The following INPP5D variants were observed in gnomAD, a reference collection of about 807,000 sequenced individuals.
The protein encoded by INPP5D is inositol polyphosphate-5-phosphatase D.
A neutral mutation model predicts 122.9 loss-of-function variants in INPP5D; 33 were observed. That is an observed-to-expected ratio of 0.27 (90% CI 0.20 to 0.36). INPP5D has a LOEUF of 0.36. Ranked by LOEUF, INPP5D falls within the 10% of genes least tolerant of loss-of-function variation. INPP5D has a pLI of 1.00. For synonymous variants in INPP5D, 584 were observed against 576.2 expected (o/e 1.01, Z -0.19); for missense variants, 1,053 against 1,412.7 (o/e 0.75, Z 4.08).
chr2:233,117,730 T>C (rs141012179), intron 2 of INPP5D, among the ~76,000 whole-genome samples: 41 of 152,312 alleles, frequency 2.7e-4, no homozygotes, highest in African/African-American at 9.6e-4. Flanking sequence ...CTCTGGATCG[T>C]GCACATGAAA....
intron 3 of INPP5D, among the ~76,000 whole-genome samples, chr2:233,124,515 C>G (rs2106258418): frequency 6.6e-6 from 1 of 152,366 alleles, no homozygotes; most frequent in African/African-American, 2.4e-5. Flanking sequence ...GCACTGCCCT[C>G]TGGAATCAGG....
At chr2:233,204,888 G>A in intron 26 of INPP5D, 171 bp downstream of exon 26, 1 of 1,158,412 alleles carries the variant, frequency 8.6e-7, no homozygotes, top group South Asian at 1.8e-5. Flanking sequence ...CCTGGGAACT[G>A]CTCCATGAGA....
chr2:233,118,211 C>T (rs1394209953), intron 2 of INPP5D, among the ~76,000 whole-genome samples: 4 of 152,188 alleles, frequency 2.6e-5, no homozygotes, highest in South Asian at 2.1e-4. Flanking sequence ...CACCCAGGCA[C>T]GGTTGCCCTT....
chr2:233,181,167 T>G (rs1222786752), intron 18 of INPP5D, among the ~76,000 whole-genome samples: 9 of 152,232 alleles, frequency 5.9e-5, no homozygotes, highest in Admixed American at 5.9e-4. Context: ...TCTCATAGTT[T>G]CCATGTGTTT....
intron 17 of INPP5D, among the ~76,000 whole-genome samples, chr2:233,176,766 A>T (rs1694651394): frequency 6.8e-6 from 1 of 146,992 alleles, no homozygotes; most frequent in African/African-American, 2.5e-5. Flanking sequence ...ATAGGTAGAT[A>T]AGTGGATGGG....
At chr2:233,061,410 A>T (rs1356786769) in intron 1 of INPP5D, among the ~76,000 whole-genome samples, 1 of 151,850 alleles carries the variant, frequency 6.6e-6, no homozygotes, top group Non-Finnish European at 1.5e-5. Flanking sequence ...CGGTCTAATC[A>T]TAGGGGGGCC....
intron 18 of INPP5D, among the ~76,000 whole-genome samples, chr2:233,178,608 G>A (rs1187450103): frequency 5.9e-5 from 9 of 151,874 alleles, no homozygotes; most frequent in East Asian, 5.8e-4. Flanking sequence ...TCAGACTCCC[G>A]AGTAGCTGGG....
chr2:233,145,427 A>G, intron 6 of INPP5D: 1 of 437,148 alleles, frequency 2.3e-6, no homozygotes, highest in East Asian at 7.1e-5. Context: ...TCCATTCAGC[A>G]GGGAAGACAA....
chr2:233,068,285 C>CAAA lies in INPP5D; in HGVS notation c.134+7688_134+7690dup, dbSNP rs60089777. On this transcript the variant is annotated intron_variant, in intron 1 of 26. Transcript: ENST00000445964. ...GGGCAACAAGAGTGAAACTCTGTCTCAAAAAAAAAAAAAAAAATCATGCTG... is the reference window on the plus strand; with the variant it reads ...GGGCAACAAGAGTGAAACTCTGTCTCAAAAAAAAAAAAAAAAAAAATCATGCTG... Among the ~76,000 whole-genome samples, 156 of 127,158 alleles carry CAAA rather than the reference C, an allele frequency of 1.2e-3. 1 individual carries two copies. The highest frequency in any genetic ancestry group is 4.3e-3 in the African/African-American group (137 of 31,682). The allele number at this position is 127,158 out of a possible 152,430, so 83.4% of individuals were successfully genotyped here.
At chr2:233,113,094 G>T (rs1386776008) in intron 2 of INPP5D, among the ~76,000 whole-genome samples, 7 of 152,168 alleles carry the variant, frequency 4.6e-5, no homozygotes, top group Non-Finnish European at 1.0e-4. Flanking sequence ...CCTGGCTCCT[G>T]CTTCTTCCCC....
intron 18 of INPP5D, among the ~76,000 whole-genome samples, chr2:233,181,446 G>A (rs1308335651): frequency 2.6e-5 from 4 of 152,182 alleles, no homozygotes; most frequent in Non-Finnish European, 4.4e-5. Flanking sequence ...CATCCTTCGT[G>A]TGAAAGCCCA....
intron 5 of INPP5D, among the ~76,000 whole-genome samples, chr2:233,135,221 G>C (rs1243003143): frequency 2.7e-5 from 4 of 146,944 alleles, no homozygotes; most frequent in Non-Finnish European, 5.9e-5. Context: ...TAAAGAGACA[G>C]CATCTCACTC....
intron 2 of INPP5D, among the ~76,000 whole-genome samples, chr2:233,087,054 G>C (rs1691871043): frequency 6.6e-6 from 1 of 152,128 alleles, no homozygotes; most frequent in African/African-American, 2.4e-5. Flanking sequence ...TGTGCACTGG[G>C]GAGGCATGAT....
chr2:233,148,159 C>T (rs942396699), intron 9 of INPP5D, among the ~76,000 whole-genome samples: 2 of 152,250 alleles, frequency 1.3e-5, no homozygotes, highest in Admixed American at 1.3e-4. Context: ...TATAGAGAAG[C>T]TGCAGTGGGG....
intron 9 of INPP5D, among the ~76,000 whole-genome samples, chr2:233,152,039 C>A (rs573374457): frequency 6.6e-6 from 1 of 152,288 alleles, no homozygotes; most frequent in South Asian, 2.1e-4. Flanking sequence ...AGAGTGGGTG[C>A]TCTAGGTAAA....
At chr2:233,099,106 A>T (rs1199356641) in intron 2 of INPP5D, among the ~76,000 whole-genome samples, 1 of 152,056 alleles carries the variant, frequency 6.6e-6, no homozygotes, top group East Asian at 1.9e-4. Flanking sequence ...GTGCGTCACC[A>T]TGTCTGGCTA....
At chr2:233,099,484 T>C (rs1692243189) in intron 2 of INPP5D, among the ~76,000 whole-genome samples, 1 of 152,212 alleles carries the variant, frequency 6.6e-6, no homozygotes, top group African/African-American at 2.4e-5. Flanking sequence ...GGACTGACAC[T>C]GGTGTGGCCT....
chr2:233,061,636 C>T (rs1193674302), intron 1 of INPP5D, among the ~76,000 whole-genome samples: 1 of 152,188 alleles, frequency 6.6e-6, no homozygotes, highest in Non-Finnish European at 1.5e-5. Context: ...CAGCTGGGAC[C>T]TGTCGTGCTA....
At chr2:233,174,611 G>A (rs1419124769) in intron 17 of INPP5D, among the ~76,000 whole-genome samples, 3 of 152,112 alleles carry the variant, frequency 2.0e-5, no homozygotes, top group Admixed American at 6.5e-5. Context: ...GGCCAACATG[G>A]CGAAACCCCA....
Sources: gnomAD v4.1 joint callset for allele counts (sites outside exome capture counted in the v4.1 genomes callset) on GRCh38, gnomAD v4.1.1 for gene constraint, MANE v1.5 for transcripts, NCBI Gene and HGNC (gene_info 2026-07-23, HGNC 2026-07-21) for gene names.